The following GNB5 variants were observed in gnomAD, a reference collection of about 807,000 sequenced individuals.
The protein encoded by GNB5 is guanine nucleotide-binding protein subunit beta-5.
A neutral mutation model predicts 55.3 loss-of-function variants in GNB5; 37 were observed. That is an observed-to-expected ratio of 0.67 (90% CI 0.51 to 0.88). GNB5 has a LOEUF of 0.88. GNB5 is among the 40% of genes least tolerant of loss of function. The pLI is 0.00. For synonymous variants in GNB5, 219 were observed against 198.5 expected, an observed-to-expected ratio of 1.10 and a Z score of -0.87; for missense variants, 476 against 515.3, an observed-to-expected ratio of 0.92 and a Z score of 0.74.
intron 3 of GNB5, among the ~76,000 whole-genome samples, chr15:52,155,276 C>T (rs2034183406): frequency 6.6e-6 from 1 of 152,190 alleles, no homozygotes; most frequent in South Asian, 2.1e-4. Flanking sequence ...GGCAGCTGCC[C>T]CTCATGTCTT....
At chr15:52,163,415 G>T (rs2141224801) in intron 3 of GNB5, among the ~76,000 whole-genome samples, 1 of 152,336 alleles carries the variant, frequency 6.6e-6, no homozygotes, top group South Asian at 2.1e-4. Flanking sequence ...CACCTCACAA[G>T]CTAAGACTCA....
At chr15:52,168,039 C>T (rs1342347333) in intron 3 of GNB5, among the ~76,000 whole-genome samples, 1 of 152,102 alleles carries the variant, frequency 6.6e-6, no homozygotes, top group East Asian at 1.9e-4. Context: ...AAACCTACAC[C>T]GAATATCATA....
intron 3 of GNB5, among the ~76,000 whole-genome samples, chr15:52,165,752 A>G (rs909486697): frequency 3.3e-5 from 5 of 152,160 alleles, no homozygotes; most frequent in Admixed American, 2.0e-4. Context: ...AAAAAAACTG[A>G]AGTACAAGTA....
At chr15:52,162,897 A>G (rs1463027493) in intron 3 of GNB5, 1 of 152,284 alleles carries the variant, frequency 6.6e-6, no homozygotes, top group African/African-American at 2.4e-5. Flanking sequence ...AGGCGGGCCA[A>G]GATGGCTGGT....
chr15:52,161,207 G>A (rs762054372), intron 3 of GNB5, among the ~76,000 whole-genome samples: 10 of 152,140 alleles, frequency 6.6e-5, no homozygotes, highest in East Asian at 5.8e-4. Context: ...ATCTGTGGGC[G>A]GGTAGCTATC....
chr15:52,168,940 C>T (rs1182947258), intron 3 of GNB5, among the ~76,000 whole-genome samples: 3 of 152,176 alleles, frequency 2.0e-5, no homozygotes, highest in African/African-American at 7.2e-5. Context: ...AAACTGGACC[C>T]CTTCCTTACA....
At chr15:52,172,611 C>T (rs1201024064) in intron 3 of GNB5, among the ~76,000 whole-genome samples, 1 of 151,938 alleles carries the variant, frequency 6.6e-6, no homozygotes, top group Non-Finnish European at 1.5e-5. Context: ...GAAACCTCGT[C>T]TCTACAAAAA....
chr15:52,177,200 A>G (rs2034669007), intron 3 of GNB5, among the ~76,000 whole-genome samples: 1 of 150,756 alleles, frequency 6.6e-6, no homozygotes, highest in Non-Finnish European at 1.5e-5. Flanking sequence ...ATGCCCAACT[A>G]ATTTTTGTAT....
At chr15:52,137,387 G>A (rs1161001026) in intron 7 of GNB5, 15 of 1,033,202 alleles carry the variant, frequency 1.5e-5, no homozygotes, top group Non-Finnish European at 1.7e-5. Context: ...AAGAAGGGAA[G>A]GGGAGAGACA....
At chr15:52,171,400 C>T (rs1386039393) in intron 3 of GNB5, among the ~76,000 whole-genome samples, 6 of 152,100 alleles carry the variant, frequency 3.9e-5, no homozygotes, top group African/African-American at 1.4e-4. Context: ...TTAAAAATGG[C>T]TACCTCTAGG....
intron 3 of GNB5, among the ~76,000 whole-genome samples, chr15:52,167,874 T>C (rs1318148381): frequency 6.6e-6 from 1 of 151,596 alleles, no homozygotes; most frequent in Non-Finnish European, 1.5e-5. Context: ...ATATAATTCA[T>C]CATATAAAAA....
At chr15:52,149,472 A>G (rs908018133) in intron 5 of GNB5, 8 of 428,976 alleles carry the variant, frequency 1.9e-5, no homozygotes, top group Non-Finnish European at 3.3e-5. Context: ...CTGCAGCCTC[A>G]TCTTCCCCAC....
chr15:52,158,120 A>G (rs1386332071), intron 3 of GNB5, among the ~76,000 whole-genome samples: 1 of 152,162 alleles, frequency 6.6e-6, no homozygotes, highest in East Asian at 1.9e-4. Flanking sequence ...CTAGGAAGAC[A>G]GGAGTGCTGT....
chr15:52,159,893 C>A (rs898038238), intron 3 of GNB5, among the ~76,000 whole-genome samples: 3 of 151,646 alleles, frequency 2.0e-5, no homozygotes, highest in African/African-American at 4.8e-5. Flanking sequence ...GTCACTGAAG[C>A]CTGGTTTGAA....
intron 7 of GNB5, chr15:52,137,335 T>C: frequency 9.4e-7 from 1 of 1,060,698 alleles, no homozygotes; most frequent in Non-Finnish European, 1.1e-6. Context: ...TGTGGTGATA[T>C]CTGAGTTGGT....
chr15:52,169,980 T>C (rs1206577887), intron 3 of GNB5, among the ~76,000 whole-genome samples: 4 of 152,130 alleles, frequency 2.6e-5, no homozygotes, highest in Non-Finnish European at 5.9e-5. Flanking sequence ...TCACTGATCA[T>C]TAGAGAAATG....
chr15:52,187,247 T>C (rs190415438), intron 1 of GNB5, among the ~76,000 whole-genome samples: 2 of 152,242 alleles, frequency 1.3e-5, no homozygotes, highest in Admixed American at 6.5e-5. Context: ...AGTAACAAGG[T>C]TGGGCTGAAC....
At chr15:52,135,565 C>T in intron 8 of GNB5, 48 bp downstream of exon 8, 5 of 1,541,700 alleles carry the variant, frequency 3.2e-6, no homozygotes, top group Non-Finnish European at 4.5e-6. Flanking sequence ...CACCATAAGC[C>T]TCCTTAGTGG....
Position 52,137,789 on chromosome 15 carries a change from G to A in GNB5, c.628-2033C>T, listed in dbSNP as rs375922201. The A allele has an allele frequency of 8.0e-6, 10 of 1,246,236 alleles. No individual in the cohort carries two copies. In the East Asian group the frequency reaches 4.0e-4, roughly 50 times the overall value. The allele number at this position is 1,246,236 out of a possible 1,614,324, so 77.2% of individuals were successfully genotyped here. A position where few individuals can be genotyped will look rare whatever the true frequency, so the allele number is the denominator to read the frequency against. On this transcript the variant is annotated intron_variant, in intron 7 of 12. Transcript: ENST00000261837. The stretch of plus-strand genomic sequence containing the variant: ...GCATCACAGAGCCCTGGAGCCAGCT[G>A]GGTACTGACAGCAATGGAGGGGACC...
Sources: gnomAD v4.1 joint callset for allele counts (sites outside exome capture counted in the v4.1 genomes callset) on GRCh38, gnomAD v4.1.1 for gene constraint, MANE v1.5 for transcripts, NCBI Gene and HGNC (gene_info 2026-07-23, HGNC 2026-07-21) for gene names.